Variants in ERBB4 observed in about 807,000 individuals in gnomAD.
ERBB4 encodes the protein receptor tyrosine-protein kinase erbB-4.
ERBB4 carries 42 observed loss-of-function variants against 158.0 expected under a neutral mutation model. That is an observed-to-expected ratio of 0.27 (90% CI 0.21 to 0.34). The LOEUF is 0.34. Ranked by LOEUF, ERBB4 falls within the 10% of genes least tolerant of loss-of-function variation. ERBB4 has a pLI of 1.00. For missense variants in ERBB4, 1,333 were observed against 1,624.1 expected, an observed-to-expected ratio of 0.82 and a Z score of 3.08; for synonymous variants, 583 against 558.7, an observed-to-expected ratio of 1.04 and a Z score of -0.61.
chr2:212,211,136 T>A (rs1390944586), intron 1 of ERBB4, among the ~76,000 whole-genome samples: 1 of 152,130 alleles, frequency 6.6e-6, no homozygotes, highest in African/African-American at 2.4e-5. Flanking sequence ...CATCTCTGCA[T>A]CCACTCACTT....
chr2:212,378,690 T>C (rs1226766402), intron 1 of ERBB4, among the ~76,000 whole-genome samples: 1 of 151,894 alleles, frequency 6.6e-6, no homozygotes, highest in Admixed American at 6.6e-5. Flanking sequence ...ACATGATTAA[T>C]ATTTCTCTGA....
At chr2:211,979,386 C>T (rs866909220) in intron 2 of ERBB4, among the ~76,000 whole-genome samples, 1 of 152,082 alleles carries the variant, frequency 6.6e-6, no homozygotes, top group African/African-American at 2.4e-5. Context: ...TGTTTTTTAA[C>T]CACATTATCT....
chr2:211,661,367 T>C (rs1259234445), intron 15 of ERBB4, among the ~76,000 whole-genome samples: 3 of 152,100 alleles, frequency 2.0e-5, no homozygotes, highest in African/African-American at 2.4e-5. Context: ...CACAAATAAA[T>C]AACTGAATCA....
chr2:212,013,290 C>T (rs2076434784), intron 2 of ERBB4, among the ~76,000 whole-genome samples: 1 of 151,978 alleles, frequency 6.6e-6, no homozygotes, highest in Non-Finnish European at 1.5e-5. Flanking sequence ...TTTTAACATT[C>T]CGAAGAAGAT....
chr2:211,619,069 A>G (rs2125846557), intron 19 of ERBB4, 108 bp downstream of exon 19: 1 of 716,150 alleles, frequency 1.4e-6, no homozygotes, highest in Admixed American at 2.1e-5. Flanking sequence ...TAATATTTCC[A>G]TAAGAGAAAT....
At chr2:212,051,598 C>T (rs1364799849) in intron 2 of ERBB4, among the ~76,000 whole-genome samples, 1 of 152,044 alleles carries the variant, frequency 6.6e-6, no homozygotes, top group Non-Finnish European at 1.5e-5. Flanking sequence ...TTTCAGTAAT[C>T]ATGGAAGCAC....
At position 212,287,071 on chromosome 2, in the gene ERBB4, C is replaced by T. The variant is rs372711939; in HGVS notation, c.83-162168G>A. 5.2e-4 allele frequency among the ~76,000 whole-genome samples: 79 copies of T among 151,944 alleles called. No homozygotes were observed. In the Middle Eastern group the frequency reaches 0.017, roughly 33 times the overall value. ...CACAACGACCTTGCTCCACAGGTAG[C>T]CCAAATGGCACAACCTCGATCAGCA... On this transcript the variant is annotated intron_variant, in intron 1 of 27. Coordinates refer to ENST00000342788, the MANE Select transcript of ERBB4 (RefSeq NM_005235.3).
intron 1 of ERBB4, among the ~76,000 whole-genome samples, chr2:212,516,245 AAAT>A (rs542147996): frequency 1.1e-3 from 174 of 151,866 alleles, no homozygotes; most frequent in Non-Finnish European, 2.2e-3. Context: ...ATAAGATTAC[AAAT>A]AATATTTTCT....
chr2:212,402,873 T>C (rs956773177), intron 1 of ERBB4, among the ~76,000 whole-genome samples: 3 of 152,076 alleles, frequency 2.0e-5, no homozygotes, highest in Admixed American at 6.6e-5. Context: ...CTCATTAGTT[T>C]TTCTTCATGA....
rs531473340 is a variant in ERBB4, at chr2:212,516,487, T to A, written c.82+21962A>T. ...GCAACCTATTCTTAGGCAAATAACA[T>A]CTCTAAATCTTACACTTATTTTCTG... On this transcript the variant is annotated intron_variant, in intron 1 of 27. Coordinates refer to ENST00000342788, the MANE Select transcript of ERBB4 (RefSeq NM_005235.3). 2.0e-5 allele frequency among the ~76,000 whole-genome samples: 3 copies of A among 152,100 alleles called. No homozygotes were observed. In the East Asian group the frequency reaches 5.8e-4, roughly 29 times the overall value.
At chr2:211,824,508 CTTTTT>C (rs1208918991) in intron 3 of ERBB4, among the ~76,000 whole-genome samples, 1 of 151,956 alleles carries the variant, frequency 6.6e-6, no homozygotes, top group Non-Finnish European at 1.5e-5. Context: ...CAAATTACTT[CTTTTT>C]AAGTTAAATT....
At chr2:212,405,915 T>C (rs1294898098) in intron 1 of ERBB4, among the ~76,000 whole-genome samples, 1 of 152,066 alleles carries the variant, frequency 6.6e-6, no homozygotes, top group Non-Finnish European at 1.5e-5. Flanking sequence ...CTCTCGCTGC[T>C]CAACAACTTA....
chr2:211,435,643 C>A (rs2125441877), intron 20 of ERBB4, among the ~76,000 whole-genome samples: 1 of 152,232 alleles, frequency 6.6e-6, no homozygotes. Flanking sequence ...GGAGGCTGAA[C>A]CCAGTTGTGA....
At chr2:211,997,712 A>G (rs1290616211) in intron 2 of ERBB4, among the ~76,000 whole-genome samples, 1 of 151,998 alleles carries the variant, frequency 6.6e-6, no homozygotes, top group Non-Finnish European at 1.5e-5. Context: ...CTGAAGACCA[A>G]TGTAACTTAA....
At chr2:211,934,287 G>T (rs1575399954) in intron 3 of ERBB4, among the ~76,000 whole-genome samples, 2 of 151,908 alleles carry the variant, frequency 1.3e-5, no homozygotes, top group South Asian at 4.2e-4. Flanking sequence ...GATCAACTTA[G>T]CCTGTCCATT....
At chr2:212,025,100 TAG>T (rs1216144534) in intron 2 of ERBB4, among the ~76,000 whole-genome samples, 1 of 151,824 alleles carries the variant, frequency 6.6e-6, no homozygotes, top group Non-Finnish European at 1.5e-5. Context: ...GTTGGCAGTT[TAG>T]AGAAAGGAGA....
chr2:212,472,058 CTT>C (rs1176640760), intron 1 of ERBB4, among the ~76,000 whole-genome samples: 1 of 151,780 alleles, frequency 6.6e-6, no homozygotes, highest in Non-Finnish European at 1.5e-5. Flanking sequence ...CTAGTTGTAA[CTT>C]ATTAAATATT....
At chr2:212,455,664 A>G (rs373804845) in intron 1 of ERBB4, among the ~76,000 whole-genome samples, 6 of 152,302 alleles carry the variant, frequency 3.9e-5, no homozygotes, top group African/African-American at 1.2e-4. Context: ...TAAAGTAAAG[A>G]AAGAAAATTC....
chr2:211,665,514 AGTGGTGT>A (rs1385187242), intron 14 of ERBB4, 37 bp from the exon 15 acceptor site: 2 of 1,602,924 alleles, frequency 1.2e-6, no homozygotes, highest in Non-Finnish European at 1.7e-6. Context: ...AAAAAAGAAA[AGTGGTGT>A]CATTTCCTCT....
Sources: allele counts gnomAD v4.1 joint callset (sites outside exome capture counted in the v4.1 genomes callset), GRCh38; gene constraint gnomAD v4.1.1; transcripts MANE v1.5; gene names NCBI Gene and HGNC (gene_info 2026-07-23, HGNC 2026-07-21).